Variants in TSPAN2 observed in about 807,000 individuals in gnomAD.
TSPAN2 encodes the protein tetraspanin-2.
In TSPAN2, 24 loss-of-function variants were observed where a neutral mutation model predicts 33.3. The observed-to-expected ratio is 0.72, with a 90% CI of 0.52 to 1.01. The LOEUF (loss-of-function observed/expected upper bound fraction) is 1.01, where lower values mean the gene tolerates loss of function less well. Among genes scored for constraint, TSPAN2 ranks in the 50% least tolerant of loss-of-function variants. TSPAN2 has a pLI of 0.00. For synonymous variants in TSPAN2, 114 were observed against 104.5 expected (o/e 1.09, Z -0.56); for missense variants, 278 against 281.3 (o/e 0.99, Z 0.08).
intron 1 of TSPAN2, among the ~76,000 whole-genome samples, chr1:115,084,141 A>C (rs966372316): frequency 7.9e-5 from 12 of 152,300 alleles, no homozygotes; most frequent in African/African-American, 2.6e-4. Flanking sequence ...TCTAGATTCT[A>C]CTTTCCCATT....
chr1:115,050,673 A>T, intron 7 of TSPAN2, 118 bp from the exon 8 acceptor site: 2 of 776,154 alleles, frequency 2.6e-6, no homozygotes, highest in Non-Finnish European at 4.4e-6. Flanking sequence ...AATAATTACC[A>T]GTCACAAATG....
At chr1:115,085,273 G>C (rs1192278361) in intron 1 of TSPAN2, among the ~76,000 whole-genome samples, 1 of 152,212 alleles carries the variant, frequency 6.6e-6, no homozygotes, top group Non-Finnish European at 1.5e-5. Context: ...TAATGGCTAG[G>C]CTTTATTTTG....
intron 2 of TSPAN2, 123 bp from the exon 3 acceptor site, chr1:115,062,355 C>T (rs923344957): frequency 1.4e-6 from 1 of 705,948 alleles, no homozygotes; most frequent in Non-Finnish European, 2.4e-6. Flanking sequence ...GCTATTCTTA[C>T]TGCCATGTTT....
chr1:115,049,987 T>TGGGG lies in TSPAN2; in HGVS notation c.*502_*503insCCCC. The TGGGG allele has an allele frequency of 6.3e-6, 1 of 159,636 alleles. No homozygotes were observed. Among genetic ancestry groups the TGGGG allele is most frequent in the African/African-American group, 2.5e-5 (1 of 40,740 alleles). The allele number at this position is 159,636 out of a possible 1,614,324, so 9.9% of individuals were successfully genotyped here. A position where few individuals can be genotyped will look rare whatever the true frequency, so the allele number is the denominator to read the frequency against. On this transcript the variant is annotated 3_prime_UTR_variant, in exon 8 of 8. Coordinates refer to ENST00000369516, the MANE Select transcript of TSPAN2 (RefSeq NM_005725.6). ...ACCCAGGAAACCCTTACACCCAACT[T>TGGGG]AGACACAGTCAGTTTTAACACTCCA...
intron 2 of TSPAN2, among the ~76,000 whole-genome samples, chr1:115,072,098 T>C (rs559929068): frequency 6.6e-6 from 1 of 152,236 alleles, no homozygotes; most frequent in Admixed American, 6.5e-5. Context: ...AGAGTCTTAG[T>C]CCACTTAGCT....
chr1:115,063,607 C>T (rs1647816269), intron 2 of TSPAN2, among the ~76,000 whole-genome samples: 1 of 152,206 alleles, frequency 6.6e-6, no homozygotes, highest in East Asian at 1.9e-4. Context: ...CAAAAGGGTA[C>T]ATGTTCACTG....
chr1:115,062,062 A>G, intron 3 of TSPAN2, 73 bp downstream of exon 3: 1 of 1,287,952 alleles, frequency 7.8e-7, no homozygotes, highest in East Asian at 2.6e-5. Context: ...CAGGGGCCAG[A>G]GGCACTGACT....
chr1:115,068,433 C>A lies in TSPAN2; in HGVS notation c.172+4472G>T, dbSNP rs530882906. On this transcript the variant is annotated intron_variant, in intron 2 of 7. Transcript: ENST00000369516. ...AGACAAGTGTGTCTTCCTGGGGTTCCTCTCAGAGAGGAGAGTCAAGGCTGG... is the reference window on the plus strand; with the variant it reads ...AGACAAGTGTGTCTTCCTGGGGTTCATCTCAGAGAGGAGAGTCAAGGCTGG... Among the ~76,000 whole-genome samples, 8 of 152,208 alleles carry A rather than the reference C, an allele frequency of 5.3e-5. No individual in the cohort carries two copies. In the South Asian group the frequency reaches 1.2e-3, roughly 24 times the overall value.
intron 1 of TSPAN2, among the ~76,000 whole-genome samples, chr1:115,088,863 C>T (rs1290195036): frequency 6.6e-6 from 1 of 152,182 alleles, no homozygotes; most frequent in Non-Finnish European, 1.5e-5. Context: ...CTAAACAAAA[C>T]CATCACAGCC....
rs534213523 is a variant in TSPAN2, at chr1:115,060,322, G to A, written c.345+142C>T. On this transcript the variant is annotated intron_variant, in intron 4 of 7. Coordinates refer to ENST00000369516, the MANE Select transcript of TSPAN2 (RefSeq NM_005725.6). ...GCACACTCATATACATATATGCTCA[G>A]TTCTGCACACCACTTCTAAGTTAAA... 133 of 662,904 alleles carry A rather than the reference G, an allele frequency of 2.0e-4. 1 individual carries two copies. The highest frequency in any genetic ancestry group is 1.7e-3 in the Middle Eastern group (4 of 2,420). The allele number at this position is 662,904 out of a possible 1,614,324, so 41.1% of individuals were successfully genotyped here. A position where few individuals can be genotyped will look rare whatever the true frequency, so the allele number is the denominator to read the frequency against.
intron 7 of TSPAN2, among the ~76,000 whole-genome samples, chr1:115,052,027 G>T (rs1485758470): frequency 6.6e-6 from 1 of 152,208 alleles, no homozygotes; most frequent in Non-Finnish European, 1.5e-5. Flanking sequence ...GCCGACACGA[G>T]TCAGGGGTGA....
At chr1:115,064,353 A>G (rs999351226) in intron 2 of TSPAN2, among the ~76,000 whole-genome samples, 1 of 152,210 alleles carries the variant, frequency 6.6e-6, no homozygotes, top group Non-Finnish European at 1.5e-5. Context: ...TTGCTGCAGA[A>G]CATGCCCATT....
At chr1:115,067,432 T>G (rs1029441330) in intron 2 of TSPAN2, among the ~76,000 whole-genome samples, 11 of 152,204 alleles carry the variant, frequency 7.2e-5, no homozygotes, top group Admixed American at 6.5e-4. Flanking sequence ...AGCTGCAATA[T>G]GGAAATGATT....
At chr1:115,073,731 T>C (rs539861886) in intron 1 of TSPAN2, among the ~76,000 whole-genome samples, 6 of 152,182 alleles carry the variant, frequency 3.9e-5, no homozygotes, top group Non-Finnish European at 8.8e-5. Flanking sequence ...GCGTGGTCTG[T>C]GTGCTGTGTG....
chr1:115,058,843 T>C, intron 5 of TSPAN2, 40 bp downstream of exon 5: 2 of 1,489,336 alleles, frequency 1.3e-6, no homozygotes, highest in Non-Finnish European at 1.9e-6. Flanking sequence ...CACATAATCT[T>C]TAGAAGCTGT....
intron 1 of TSPAN2, among the ~76,000 whole-genome samples, chr1:115,086,925 G>GTTTT (rs1370989075): frequency 2.0e-5 from 3 of 152,060 alleles, no homozygotes; most frequent in African/African-American, 7.2e-5. Context: ...TTGTTTGTTT[G>GTTTT]TTTGTTTTTG....
chr1:115,053,094 T>C (rs1055114227), intron 7 of TSPAN2, among the ~76,000 whole-genome samples: 1 of 152,156 alleles, frequency 6.6e-6, no homozygotes, highest in South Asian at 2.1e-4. Context: ...GAACTGAAAA[T>C]CATTTATCTA....
At chr1:115,059,429 C>G (rs1647576414) in intron 4 of TSPAN2, among the ~76,000 whole-genome samples, 1 of 152,194 alleles carries the variant, frequency 6.6e-6, no homozygotes, top group African/African-American at 2.4e-5. Context: ...AGATTTCTGA[C>G]AGTTCCCAAG....
At chr1:115,051,595 A>G (rs1161964396) in intron 7 of TSPAN2, among the ~76,000 whole-genome samples, 1 of 152,226 alleles carries the variant, frequency 6.6e-6, no homozygotes, top group Non-Finnish European at 1.5e-5. Flanking sequence ...GCACCATTCC[A>G]TAAACTACTG....
Sources: allele counts gnomAD v4.1 joint callset (sites outside exome capture counted in the v4.1 genomes callset), GRCh38; gene constraint gnomAD v4.1.1; transcripts MANE v1.5; gene names NCBI Gene and HGNC (gene_info 2026-07-23, HGNC 2026-07-21).